PPARGC1A: variants seen among roughly 807,000 people sequenced by gnomAD.
The protein encoded by PPARGC1A is PPARG coactivator 1 alpha, also known as peroxisome proliferator-activated receptor gamma coactivator 1-alpha.
PPARGC1A carries 25 observed loss-of-function variants against 88.7 expected under a neutral mutation model. The observed-to-expected ratio is 0.28, with a 90% CI of 0.21 to 0.39. PPARGC1A has a LOEUF of 0.39. PPARGC1A is among the 10% of genes least tolerant of loss of function. The probability of loss-of-function intolerance (pLI) is 1.00; values close to 1 mark genes in which losing one functional copy is unlikely to be tolerated. For missense variants in PPARGC1A, 880 were observed against 968.7 expected, an observed-to-expected ratio of 0.91 and a Z score of 1.22; for synonymous variants, 363 against 355.6, an observed-to-expected ratio of 1.02 and a Z score of -0.24.
At chr4:23,955,928 T>C in the PPARGC1A span, among the ~76,000 whole-genome samples, 3 of 152,056 alleles carry the variant, frequency 2.0e-5, no homozygotes, top group Admixed American at 1.3e-4. Context: ...AAGAGCCAGA[T>C]TGCAAATTTT....
the PPARGC1A span, among the ~76,000 whole-genome samples, chr4:24,149,421 A>T: frequency 6.6e-6 from 1 of 152,158 alleles, no homozygotes; most frequent in Non-Finnish European, 1.5e-5. Context: ...TAAAAAAAAA[A>T]ATAAGTTGGC....
the PPARGC1A span, among the ~76,000 whole-genome samples, chr4:23,931,168 A>G: frequency 6.6e-6 from 1 of 151,438 alleles, no homozygotes; most frequent in Non-Finnish European, 1.5e-5. Flanking sequence ...TTGTGCTGGG[A>G]CTCCCTGTCC....
At chr4:23,976,714 A>G in the PPARGC1A span, among the ~76,000 whole-genome samples, 2 of 152,200 alleles carry the variant, frequency 1.3e-5, no homozygotes, top group Non-Finnish European at 2.9e-5. Flanking sequence ...CACACAGAGA[A>G]AAGGCCATGT....
At chr4:24,376,425 C>T in the PPARGC1A span, among the ~76,000 whole-genome samples, 1 of 152,208 alleles carries the variant, frequency 6.6e-6, no homozygotes, top group Non-Finnish European at 1.5e-5. Context: ...ATAGGTCAAT[C>T]TTCAGGCAGT....
chr4:24,096,041 G>A, the PPARGC1A span, among the ~76,000 whole-genome samples: 1 of 152,190 alleles, frequency 6.6e-6, no homozygotes, highest in Non-Finnish European at 1.5e-5. Flanking sequence ...TTGAATTGGA[G>A]GAGGGGCCTG....
the PPARGC1A span, among the ~76,000 whole-genome samples, chr4:24,188,035 G>C: frequency 6.6e-6 from 1 of 152,216 alleles, no homozygotes; most frequent in African/African-American, 2.4e-5. Flanking sequence ...AAAAGCCTGA[G>C]ATGGCAAAGA....
At chr4:24,387,818 A>AAGAAAGAAAGAAAGAAAGAG in the PPARGC1A span, among the ~76,000 whole-genome samples, 8 of 81,076 alleles carry the variant, frequency 9.9e-5, no homozygotes, top group African/African-American at 3.8e-4. Flanking sequence ...GAAAGAAAGA[A>AAGAAAGAAAGAAAGAAAGAG]AGAAAGAGAG....
At chr4:24,206,822 C>T in the PPARGC1A span, among the ~76,000 whole-genome samples, 8 of 106,090 alleles carry the variant, frequency 7.5e-5, no homozygotes, top group East Asian at 6.3e-4. Flanking sequence ...GTCTGGGTGA[C>T]GGAGAAAGAC....
chr4:24,101,473 G>A, the PPARGC1A span, among the ~76,000 whole-genome samples: 2 of 152,184 alleles, frequency 1.3e-5, no homozygotes, highest in South Asian at 4.1e-4. Context: ...GTGCCTATCA[G>A]AAATGTTCTC....
At chr4:24,444,317 G>A in the PPARGC1A span, among the ~76,000 whole-genome samples, 1 of 152,100 alleles carries the variant, frequency 6.6e-6, no homozygotes, top group Non-Finnish European at 1.5e-5. Flanking sequence ...ACAGGTGTGA[G>A]CCACTGCACC....
the PPARGC1A span, among the ~76,000 whole-genome samples, chr4:23,946,666 C>T: frequency 2.6e-5 from 4 of 152,040 alleles, no homozygotes; most frequent in African/African-American, 9.7e-5. Flanking sequence ...AATCCTGCTA[C>T]CAAAGTGTAG....
chr4:24,247,245 G>A, the PPARGC1A span, among the ~76,000 whole-genome samples: 1 of 152,078 alleles, frequency 6.6e-6, no homozygotes, highest in Non-Finnish European at 1.5e-5. Context: ...ATAACCCCCT[G>A]AGGCTCTACA....
At chr4:24,277,498 T>C in the PPARGC1A span, among the ~76,000 whole-genome samples, 3 of 139,322 alleles carry the variant, frequency 2.2e-5, no homozygotes, top group Non-Finnish European at 4.6e-5. Context: ...CTATGAAGCC[T>C]GTCTCTTCCT....
chr4:23,853,170 T>A (rs1402552385), intron 2 of PPARGC1A, among the ~76,000 whole-genome samples: 1 of 152,154 alleles, frequency 6.6e-6, no homozygotes, highest in Non-Finnish European at 1.5e-5. Flanking sequence ...CAATCAAAAT[T>A]TTTAAATACA....
At chr4:24,012,434 T>C in the PPARGC1A span, among the ~76,000 whole-genome samples, 1 of 152,248 alleles carries the variant, frequency 6.6e-6, no homozygotes, top group East Asian at 1.9e-4. Flanking sequence ...AGACAGCATC[T>C]AGCCTGAACT....
intron 2 of PPARGC1A, among the ~76,000 whole-genome samples, chr4:23,880,206 T>C (rs1344187622): frequency 5.3e-5 from 8 of 152,222 alleles, no homozygotes; most frequent in South Asian, 2.1e-4. Context: ...TAAAAACATA[T>C]GCATATACTT....
At chr4:24,417,979 ATTTT>A in the PPARGC1A span, among the ~76,000 whole-genome samples, 2 of 151,804 alleles carry the variant, frequency 1.3e-5, no homozygotes, top group East Asian at 1.9e-4. Context: ...CAGACTATTT[ATTTT>A]GTTTTTTCTG....
rs1205243317 is a variant in PPARGC1A, at chr4:23,795,184, A to T, written c.*638T>A. Reference sequence around the variant, plus strand: ...CAAGTTGATTCTGCACTTTCTTAAAAAAACAGAGTACAAAGGCTGATGCCC... The same window carrying T: ...CAAGTTGATTCTGCACTTTCTTAAATAAACAGAGTACAAAGGCTGATGCCC... On this transcript the variant is annotated 3_prime_UTR_variant, in exon 13 of 13. Transcript: ENST00000264867. 6.6e-6 allele frequency: 1 copy of T among 151,836 alleles called. No individual in the cohort carries two copies. The highest frequency in any genetic ancestry group is 1.9e-4 in the East Asian group (1 of 5,154). 9.4% of individuals were successfully genotyped at this position (151,836 alleles called of 1,614,324 possible).
chr4:24,237,114 T>C, the PPARGC1A span, among the ~76,000 whole-genome samples: 1 of 152,158 alleles, frequency 6.6e-6, no homozygotes, highest in Non-Finnish European at 1.5e-5. Context: ...TTTATTAGAT[T>C]TGTACATTTA....
Sources: allele counts gnomAD v4.1 joint callset (sites outside exome capture counted in the v4.1 genomes callset), GRCh38; gene constraint gnomAD v4.1.1; transcripts MANE v1.5; gene names NCBI Gene and HGNC (gene_info 2026-07-23, HGNC 2026-07-21).